HDHD2: variants seen among roughly 807,000 people sequenced by gnomAD.
HDHD2 encodes the protein haloacid dehalogenase-like hydrolase domain-containing protein 2.
In HDHD2, 26 loss-of-function variants were observed where a neutral mutation model predicts 24.8. That is an observed-to-expected ratio of 1.05 (90% CI 0.77 to 1.45). The LOEUF (loss-of-function observed/expected upper bound fraction) is 1.45. Among genes scored for constraint, HDHD2 ranks in the 40% most tolerant of loss-of-function variants. The pLI, the probability that HDHD2 is intolerant of heterozygous loss-of-function variation, is 0.00. For missense variants in HDHD2, 299 were observed against 313.4 expected (o/e 0.95, Z 0.35); for synonymous variants, 128 against 114.9 (o/e 1.11, Z -0.73).
Position 47,107,488 on chromosome 18 carries a change from G to A in HDHD2, c.*1194C>T, listed in dbSNP as rs544289853. ...CTCTAAACAAGCATCAAAACCCGAAGCTCATTAACATCAGAGTGAGCTTCA... is the reference window on the plus strand; with the variant it reads ...CTCTAAACAAGCATCAAAACCCGAAACTCATTAACATCAGAGTGAGCTTCA... On this transcript the variant is annotated 3_prime_UTR_variant, in exon 7 of 7. Transcript: ENST00000300605. The A allele has an allele frequency of 6.5e-6, 1 of 152,702 alleles. No individual in the cohort carries two copies. The highest frequency in any genetic ancestry group is 1.9e-4 in the East Asian group (1 of 5,194). 9.5% of individuals were successfully genotyped at this position (152,702 alleles called of 1,614,324 possible).
chr18:47,142,299 A>G (rs2063826958), intron 1 of HDHD2, among the ~76,000 whole-genome samples: 1 of 152,028 alleles, frequency 6.6e-6, no homozygotes, highest in South Asian at 2.1e-4. Context: ...AAGTTTGTAG[A>G]AAAAAATTTT....
At chr18:47,132,228 A>G (rs1444540272) in intron 3 of HDHD2, among the ~76,000 whole-genome samples, 1 of 152,122 alleles carries the variant, frequency 6.6e-6, no homozygotes, top group Non-Finnish European at 1.5e-5. Context: ...TTTTCATTTA[A>G]TATATCCTAT....
chr18:47,114,772 T>C (rs769750244), intron 5 of HDHD2, among the ~76,000 whole-genome samples: 8 of 152,222 alleles, frequency 5.3e-5, no homozygotes, highest in South Asian at 2.1e-4. Context: ...TTGTGCAGCA[T>C]TGTTTCTCAA....
intron 5 of HDHD2, among the ~76,000 whole-genome samples, chr18:47,114,875 C>G (rs923389430): frequency 3.3e-5 from 5 of 151,260 alleles, no homozygotes; most frequent in African/African-American, 1.2e-4. Flanking sequence ...TAGGAGTTAA[C>G]TACATATATA....
At chr18:47,117,293 G>A (rs915588823) in intron 4 of HDHD2, among the ~76,000 whole-genome samples, 2 of 152,132 alleles carry the variant, frequency 1.3e-5, no homozygotes, top group Non-Finnish European at 2.9e-5. Flanking sequence ...TTATCTGTTG[G>A]GAAATTAATT....
chr18:47,114,562 G>A (rs936151547), intron 5 of HDHD2, among the ~76,000 whole-genome samples: 6 of 152,178 alleles, frequency 3.9e-5, no homozygotes, highest in African/African-American at 9.7e-5. Flanking sequence ...CTAGTACACT[G>A]GGGTAAACTG....
intron 1 of HDHD2, among the ~76,000 whole-genome samples, chr18:47,140,521 CA>C (rs2063810400): frequency 1.3e-5 from 2 of 151,702 alleles, no homozygotes; most frequent in African/African-American, 4.9e-5. Context: ...TTAACCATTC[CA>C]AACTCTTTTT....
intron 6 of HDHD2, chr18:47,110,328 T>C: frequency 1.0e-6 from 1 of 984,952 alleles, no homozygotes; most frequent in Non-Finnish European, 1.2e-6. Context: ...CTCACTCTCG[T>C]TAGCACCCTG....
At chr18:47,134,421 TA>T in intron 3 of HDHD2, 74 bp downstream of exon 3, 1 of 1,016,730 alleles carries the variant, frequency 9.8e-7, no homozygotes, top group Non-Finnish European at 1.5e-6. Flanking sequence ...TAAACATCTC[TA>T]AACATCCAGT....
chr18:47,109,674 C>T (rs1024316244), intron 6 of HDHD2: 4 of 152,310 alleles, frequency 2.6e-5, no homozygotes, highest in African/African-American at 9.7e-5. Flanking sequence ...ATTCCCTTGT[C>T]ATTCCATTAT....
Position 47,130,276 on chromosome 18 carries a change from A to C in HDHD2, c.363T>G (p.His121Gln). ...NAVVMGLAPE[H>Q]FHYQILNQAF... is the part of the protein sequence containing the mutation. ...CTTGATTCAGAATTTGATAATGAAA[A>C]TGTTCTGGTGCCAATCCCATGACCA... Residue 121 changes from histidine (H) to glutamine (Q), a missense_variant, in exon 4 of 7, where the codon CAT becomes CAG. By Grantham distance (24) the His-to-Gln change is conservative (BLOSUM62 0). Coordinates refer to ENST00000300605, the MANE Select transcript of HDHD2 (RefSeq NM_032124.5). 1.2e-6 allele frequency: 2 copies of C among 1,608,128 alleles called. No homozygotes were observed. The highest frequency in any genetic ancestry group is 1.7e-6 in the Non-Finnish European group (2 of 1,175,954).
chr18:47,131,353 T>C (rs943481951), intron 3 of HDHD2, among the ~76,000 whole-genome samples: 1 of 152,208 alleles, frequency 6.6e-6, no homozygotes, highest in Non-Finnish European at 1.5e-5. Flanking sequence ...GCCTCTCTTA[T>C]TGGCTGCAGA....
chr18:47,118,274 C>A (rs2063573243), intron 4 of HDHD2, among the ~76,000 whole-genome samples: 1 of 152,110 alleles, frequency 6.6e-6, no homozygotes, highest in Non-Finnish European at 1.5e-5. Flanking sequence ...GAATATAGAT[C>A]ATTCTATTAT....
chr18:47,118,220 C>G (rs995338828), intron 4 of HDHD2, among the ~76,000 whole-genome samples: 1 of 152,050 alleles, frequency 6.6e-6, no homozygotes, highest in Non-Finnish European at 1.5e-5. Context: ...GCCCTAGAAC[C>G]AGAAATACCA....
At chr18:47,116,970 G>A (rs1391435450) in intron 4 of HDHD2, among the ~76,000 whole-genome samples, 3 of 152,128 alleles carry the variant, frequency 2.0e-5, no homozygotes, top group Non-Finnish European at 4.4e-5. Flanking sequence ...TGAAACTGTG[G>A]GTTCCTCTAC....
chr18:47,124,365 T>C (rs1005732737), intron 4 of HDHD2, among the ~76,000 whole-genome samples: 5 of 152,186 alleles, frequency 3.3e-5, no homozygotes, highest in African/African-American at 7.2e-5. Context: ...AAGATAGGGA[T>C]ATCTGTGGTA....
In HDHD2 at chr18:47,136,203, CT is replaced by C. The variant is rs1183127103; in HGVS notation, c.101+135del. ...AAATTGTAATGCATACATCTTCTAG[CT>C]AAACCCAAGGCAGTTCCTATATATG... On this transcript the variant is annotated intron_variant, in intron 2 of 6. Transcript: ENST00000300605. 2.8e-6 allele frequency: 3 copies of C among 1,067,018 alleles called. No homozygotes were observed. In the Admixed American group the frequency reaches 9.1e-5, roughly 32 times the overall value. 66.1% of individuals were successfully genotyped at this position (1,067,018 alleles called of 1,614,324 possible). A position where few individuals can be genotyped will look rare whatever the true frequency, so the allele number is the denominator to read the frequency against.
At position 47,111,326 on chromosome 18, in the gene HDHD2, T is replaced by C. The variant is rs968358357; in HGVS notation, c.676+1651A>G. Reference sequence around the variant, plus strand: ...GGGCCCATCAAGACACTGACAGAGGTACCATTTTGAAGCTCAGTGTAAATC... The same window carrying C: ...GGGCCCATCAAGACACTGACAGAGGCACCATTTTGAAGCTCAGTGTAAATC... On this transcript the variant is annotated intron_variant, in intron 6 of 6. Transcript: ENST00000300605. The C allele has an allele frequency of 4.1e-6, 4 of 977,688 alleles. No individual in the cohort carries two copies. The African/African-American group carries it at 7.4e-5, about 18-fold the overall frequency. The allele number at this position is 977,688 out of a possible 1,614,324, so 60.6% of individuals were successfully genotyped here.
intron 1 of HDHD2, among the ~76,000 whole-genome samples, chr18:47,140,908 C>A (rs2063813960): frequency 6.6e-6 from 1 of 152,128 alleles, no homozygotes; most frequent in Non-Finnish European, 1.5e-5. Flanking sequence ...TTATTGTCTA[C>A]ATAGAGAATT....
Sources: allele counts gnomAD v4.1 joint callset (sites outside exome capture counted in the v4.1 genomes callset), GRCh38; gene constraint gnomAD v4.1.1; transcripts MANE v1.5; gene names NCBI Gene and HGNC (gene_info 2026-07-23, HGNC 2026-07-21).